Variants in EEFSEC observed in about 807,000 individuals in gnomAD.
EEFSEC encodes the protein eukaryotic elongation factor, selenocysteine-tRNA specific.
A neutral mutation model predicts 42.1 loss-of-function variants in EEFSEC; 43 were observed. The observed-to-expected ratio is 1.02, with a 90% confidence interval of 0.80 to 1.32. The LOEUF (loss-of-function observed/expected upper bound fraction) is 1.32. Ranked by LOEUF, EEFSEC falls within the 40% of genes most tolerant of loss-of-function variation. The pLI is 0.00. For missense variants in EEFSEC, 745 were observed against 803.6 expected, an observed-to-expected ratio of 0.93 and a Z score of 0.88; for synonymous variants, 354 against 339.1, an observed-to-expected ratio of 1.04 and a Z score of -0.48.
intron 1 of EEFSEC, among the ~76,000 whole-genome samples, chr3:128,170,507 A>T (rs1048001148): frequency 2.6e-5 from 4 of 152,198 alleles, no homozygotes; most frequent in African/African-American, 9.7e-5. Context: ...TCTAAAAAAA[A>T]AAAAAGCTTT....
At chr3:128,279,120 G>A (rs533306629) in intron 4 of EEFSEC, among the ~76,000 whole-genome samples, 5 of 152,348 alleles carry the variant, frequency 3.3e-5, no homozygotes, top group African/African-American at 9.6e-5. Flanking sequence ...CTGCCAAGCA[G>A]AGCGCAGCTA....
At chr3:128,288,170 G>C (rs570130367) in intron 4 of EEFSEC, among the ~76,000 whole-genome samples, 1 of 152,110 alleles carries the variant, frequency 6.6e-6, no homozygotes, top group Non-Finnish European at 1.5e-5. Flanking sequence ...GTTTGGCACA[G>C]GTGCTTTTTT....
chr3:128,342,659 T>C (rs2067268770), intron 5 of EEFSEC, among the ~76,000 whole-genome samples: 1 of 152,238 alleles, frequency 6.6e-6, no homozygotes, highest in Admixed American at 6.5e-5. Context: ...GGCCTTGTGC[T>C]TTCAGGGTGG....
chr3:128,361,866 A>G (rs1251684489), intron 6 of EEFSEC, among the ~76,000 whole-genome samples: 1 of 152,178 alleles, frequency 6.6e-6, no homozygotes, highest in Non-Finnish European at 1.5e-5. Context: ...TAGTTGGAGG[A>G]AGGAGCTGGA....
At chr3:128,163,070 T>A (rs557994540) in intron 1 of EEFSEC, among the ~76,000 whole-genome samples, 1 of 152,302 alleles carries the variant, frequency 6.6e-6, no homozygotes, top group Admixed American at 6.5e-5. Flanking sequence ...ATTCTTTTGT[T>A]TGATGGAGCC....
At chr3:128,245,208 G>A (rs1419028968) in intron 1 of EEFSEC, among the ~76,000 whole-genome samples, 10 of 152,220 alleles carry the variant, frequency 6.6e-5, no homozygotes. Context: ...TTAGGGACTA[G>A]CCAACATGAG....
At chr3:128,328,894 C>G (rs1456309103) in intron 4 of EEFSEC, among the ~76,000 whole-genome samples, 1 of 152,156 alleles carries the variant, frequency 6.6e-6, no homozygotes, top group Non-Finnish European at 1.5e-5. Flanking sequence ...ACATCCCAGA[C>G]CTAGCAGCCC....
chr3:128,248,742 G>T (rs965542554), intron 2 of EEFSEC, among the ~76,000 whole-genome samples: 5 of 152,094 alleles, frequency 3.3e-5, no homozygotes, highest in Non-Finnish European at 7.4e-5. Context: ...TATAGAAATG[G>T]GACCTTCAGG....
chr3:128,237,047 G>A (rs1049128984), intron 1 of EEFSEC, among the ~76,000 whole-genome samples: 13 of 152,346 alleles, frequency 8.5e-5, no homozygotes, highest in African/African-American at 2.4e-4. Context: ...TTCAGTAAAC[G>A]TGCTGCGTGT....
chr3:128,153,721 C>T lies in EEFSEC; in HGVS notation c.214C>T (p.Gln72Ter). The change falls in exon 1 of 7, where the codon CAG becomes TAG. Residue 72 changes from glutamine (Q) to a stop codon, truncating the protein, a stop_gained. Coordinates refer to ENST00000254730, the MANE Select transcript of EEFSEC (RefSeq NM_021937.5). LOFTEE classifies it high-confidence loss of function. ...ARLRSSLPEF[Q>*]AAPEAEPEPG... The stretch of plus-strand genomic sequence containing the variant: ...CCTGCGGTCGTCTTTGCCCGAGTTC[C>T]AGGCAGCGCCCGAGGCCGAGCCCGA... 1 of 1,573,376 alleles carries T rather than the reference C, an allele frequency of 6.4e-7. No homozygotes were observed.
chr3:128,373,523 G>A (rs1415410234), intron 6 of EEFSEC, among the ~76,000 whole-genome samples: 2 of 152,222 alleles, frequency 1.3e-5, no homozygotes, highest in African/African-American at 4.8e-5. Flanking sequence ...CACTGCTGCC[G>A]GGTAGTTAGC....
At position 128,408,357 on chromosome 3, in the gene EEFSEC, C is replaced by A; in HGVS notation, c.*98C>A. 8.0e-7 allele frequency: 1 copy of A among 1,252,162 alleles called. No individual in the cohort carries two copies. The allele number at this position is 1,252,162 out of a possible 1,614,324, so 77.6% of individuals were successfully genotyped here. ...ACGCCTCAGCCTCTCCCAGTCTCTC[C>A]CTGCAGTCCTGCAGCAGCAGCCCCC... On this transcript the variant is annotated 3_prime_UTR_variant, in exon 7 of 7. Coordinates refer to ENST00000254730, the MANE Select transcript of EEFSEC (RefSeq NM_021937.5).
At chr3:128,362,711 T>C (rs2067542861) in intron 6 of EEFSEC, among the ~76,000 whole-genome samples, 1 of 152,192 alleles carries the variant, frequency 6.6e-6, no homozygotes, top group Non-Finnish European at 1.5e-5. Flanking sequence ...CAACTGACCA[T>C]GGAACAGAGC....
chr3:128,243,055 G>A (rs532831893), intron 1 of EEFSEC, among the ~76,000 whole-genome samples: 1 of 152,328 alleles, frequency 6.6e-6, no homozygotes, highest in African/African-American at 2.4e-5. Flanking sequence ...AGAAAAGAAA[G>A]TAACTGAGAG....
chr3:128,175,888 A>G (rs921027252), intron 1 of EEFSEC, among the ~76,000 whole-genome samples: 1 of 152,212 alleles, frequency 6.6e-6, no homozygotes, highest in African/African-American at 2.4e-5. Flanking sequence ...GGAGCAGTGG[A>G]AAGAGCTGAG....
chr3:128,256,802 G>A (rs1452190472), intron 2 of EEFSEC, among the ~76,000 whole-genome samples: 2 of 152,134 alleles, frequency 1.3e-5, no homozygotes, highest in Non-Finnish European at 2.9e-5. Context: ...TCACTTTGTT[G>A]CCCAGTCTGG....
chr3:128,391,589 A>G (rs1037053162), intron 6 of EEFSEC, among the ~76,000 whole-genome samples: 25 of 152,178 alleles, frequency 1.6e-4, no homozygotes, highest in East Asian at 1.9e-4. Context: ...AAGCAAGCCA[A>G]TGCTCCCAGT....
At chr3:128,409,805 C>T (rs1283232579), downstream of EEFSEC, among the ~76,000 whole-genome samples, 3 of 152,140 alleles carry the variant, frequency 2.0e-5, no homozygotes, top group Admixed American at 2.0e-4. Flanking sequence ...GGGCCTGACC[C>T]CACTGTGTGC....
At chr3:128,420,263 T>C in the EEFSEC span, among the ~76,000 whole-genome samples, 17 of 152,348 alleles carry the variant, frequency 1.1e-4, no homozygotes, top group African/African-American at 4.1e-4. Context: ...ATTGATTCCC[T>C]CGGATGACGA....
Sources: gnomAD v4.1 joint callset for allele counts (sites outside exome capture counted in the v4.1 genomes callset) on GRCh38, gnomAD v4.1.1 for gene constraint, MANE v1.5 for transcripts, NCBI Gene and HGNC (gene_info 2026-07-23, HGNC 2026-07-21) for gene names.